MYO16: variants seen among roughly 807,000 people sequenced by gnomAD.
The protein encoded by MYO16 is myosin XVI.
MYO16 carries 94 observed loss-of-function variants against 205.3 expected under a neutral mutation model. The observed-to-expected ratio is 0.46, with a 90% CI of 0.39 to 0.54. The LOEUF is 0.54. MYO16 is among the 20% of genes least tolerant of loss of function. The probability of loss-of-function intolerance (pLI) is 0.00; values close to 1 mark genes in which losing one functional copy is unlikely to be tolerated. For synonymous variants in MYO16, 988 were observed against 954.0 expected, an observed-to-expected ratio of 1.04 and a Z score of -0.66; for missense variants, 2,315 against 2,387.5, an observed-to-expected ratio of 0.97 and a Z score of 0.63.
chr13:108,718,517 C>T lies in MYO16; in HGVS notation c.363+5786C>T, dbSNP rs146452547. ...CTTGGAGGATGTGGAATGGGGGCCCCATGGAGGATGCAGCAGCAGGAAGCA... is the reference window on the plus strand; with the variant it reads ...CTTGGAGGATGTGGAATGGGGGCCCTATGGAGGATGCAGCAGCAGGAAGCA... On this transcript the variant is annotated intron_variant, in intron 3 of 34. Transcript: ENST00000457511. Among the ~76,000 whole-genome samples the T allele has an allele frequency of 3.5e-3, 533 of 151,800 alleles. 5 individuals carry two copies. The highest frequency in any genetic ancestry group is 5.7e-3 in the Non-Finnish European group (389 of 67,898).
chr13:108,956,485 T>C (rs919138427), intron 16 of MYO16, among the ~76,000 whole-genome samples: 1 of 151,748 alleles, frequency 6.6e-6, no homozygotes, highest in African/African-American at 2.4e-5. Flanking sequence ...TGCAAGGCCC[T>C]CAGAGCTGCC....
the MYO16 span, among the ~76,000 whole-genome samples, chr13:108,578,955 T>C: frequency 6.6e-6 from 1 of 150,630 alleles, no homozygotes; most frequent in African/African-American, 2.4e-5. Flanking sequence ...TTATTTTACA[T>C]ATACAGTTAT....
intron 27 of MYO16, chr13:109,065,577 T>C (rs777246857): frequency 4.2e-6 from 2 of 477,178 alleles, no homozygotes; most frequent in Admixed American, 5.0e-5. Flanking sequence ...GAAAAGTCCC[T>C]ACAGGAGATG....
intron 9 of MYO16, among the ~76,000 whole-genome samples, chr13:108,840,246 G>A (rs992652985): frequency 6.6e-6 from 1 of 152,072 alleles, no homozygotes; most frequent in Admixed American, 6.6e-5. Context: ...TCAAACTAAG[G>A]AAAACTCACC....
the MYO16 span, among the ~76,000 whole-genome samples, chr13:108,526,678 A>C: frequency 0.99 from 151,057 of 152,288 alleles, 74,935 homozygotes; most frequent in East Asian, 1. Context: ...TACATATTTT[A>C]TCCAATTTCT....
chr13:108,934,611 C>A (rs1882400726), intron 16 of MYO16, among the ~76,000 whole-genome samples: 1 of 152,008 alleles, frequency 6.6e-6, no homozygotes, highest in South Asian at 2.1e-4. Flanking sequence ...AGGTCTCTCT[C>A]ACTTGTCAAT....
intron 28 of MYO16, among the ~76,000 whole-genome samples, chr13:109,117,339 T>A (rs1169337274): frequency 6.6e-6 from 1 of 150,698 alleles, no homozygotes; most frequent in African/African-American, 2.4e-5. Flanking sequence ...TCCATATTCT[T>A]CAGGAGATGC....
intron 6 of MYO16, among the ~76,000 whole-genome samples, chr13:108,802,632 G>GT (rs1185790187): frequency 1.3e-5 from 2 of 152,058 alleles, no homozygotes; most frequent in Non-Finnish European, 2.9e-5. Context: ...TGTATTTTTA[G>GT]TTTTTTGAGG....
intron 3 of MYO16, among the ~76,000 whole-genome samples, chr13:108,717,100 G>C (rs1471106308): frequency 6.6e-6 from 1 of 151,970 alleles, no homozygotes. Context: ...TGTTTATGAA[G>C]TAAAAAACAG....
At chr13:108,985,494 C>T (rs532703905) in intron 20 of MYO16, among the ~76,000 whole-genome samples, 11 of 152,286 alleles carry the variant, frequency 7.2e-5, no homozygotes, top group South Asian at 4.1e-4. Context: ...ATGTAGCTGA[C>T]GTGTCAGCAG....
chr13:108,614,440 T>C (rs1440540761), intron 1 of MYO16, among the ~76,000 whole-genome samples: 1 of 152,044 alleles, frequency 6.6e-6, no homozygotes, highest in Admixed American at 6.6e-5. Context: ...ATTAAAACTA[T>C]AGCTGGACTT....
intron 28 of MYO16, among the ~76,000 whole-genome samples, chr13:109,109,241 G>A (rs1025331933): frequency 5.9e-5 from 9 of 152,230 alleles, no homozygotes; most frequent in South Asian, 2.1e-4. Flanking sequence ...TACTGAGCAC[G>A]TATTATATGC....
rs190277116 is a variant in MYO16, at chr13:109,053,452, G to A, written c.3048+977G>A. Among the ~76,000 whole-genome samples, 842 of 151,470 alleles carry A rather than the reference G, an allele frequency of 5.6e-3. 8 individuals carry two copies. Among genetic ancestry groups the A allele is most frequent in the African/African-American group, 0.018 (763 of 41,264 alleles). ...TGGCATTTTTTACATTAAAAAAAAA[G>A]AACCCAAGCTTATCCTTATAAGAAA... On this transcript the variant is annotated intron_variant, in intron 25 of 34. Coordinates refer to ENST00000457511, the MANE Select transcript of MYO16 (RefSeq NM_001198950.3).
intron 2 of MYO16, among the ~76,000 whole-genome samples, chr13:108,676,039 T>C (rs1458823357): frequency 6.6e-6 from 1 of 152,236 alleles, no homozygotes; most frequent in African/African-American, 2.4e-5. Context: ...TAGCTACTAT[T>C]ATGATTTGAA....
chr13:108,772,161 C>T (rs1266278940), intron 4 of MYO16, among the ~76,000 whole-genome samples: 1 of 151,904 alleles, frequency 6.6e-6, no homozygotes, highest in Non-Finnish European at 1.5e-5. Flanking sequence ...CAAGCCGGGG[C>T]AACATGGTGA....
chr13:109,144,557 A>G (rs571149001), intron 32 of MYO16, among the ~76,000 whole-genome samples: 7 of 152,312 alleles, frequency 4.6e-5, no homozygotes, highest in Admixed American at 3.3e-4. Flanking sequence ...AATGACTTTT[A>G]TGGAATTTCT....
At chr13:108,520,560 A>G in the MYO16 span, among the ~76,000 whole-genome samples, 1 of 152,240 alleles carries the variant, frequency 6.6e-6, no homozygotes, top group Non-Finnish European at 1.5e-5. Context: ...AATATGGCAC[A>G]TTAAACAAAA....
rs9559428 is a variant in MYO16, at chr13:108,866,230, T to C, written c.1413T>C (p.Ile471=). The change falls in exon 12 of 35, where the codon ATT becomes ATC. Residue 471 remains isoleucine (I), a synonymous_variant. Transcript: ENST00000457511. ...TTAACCCATACAAGGAGCTTCCAAT[T>C]TATTCTTCCATGGTGAGCACAAAAT... ...LLVNPYKELP[I]YSSMVSQLYF... 0.11 allele frequency: 177,004 copies of C among 1,593,452 alleles called. 10,948 individuals are homozygous for C. Among genetic ancestry groups the C allele is most frequent in the Non-Finnish European group, 0.12 (142,197 of 1,165,378 alleles).
At chr13:108,654,987 A>G (rs979181136) in intron 1 of MYO16, among the ~76,000 whole-genome samples, 1 of 152,214 alleles carries the variant, frequency 6.6e-6, no homozygotes, top group Non-Finnish European at 1.5e-5. Context: ...AGGGAAACAG[A>G]GCATAAGAGT....
Sources: allele counts gnomAD v4.1 joint callset (sites outside exome capture counted in the v4.1 genomes callset), GRCh38; gene constraint gnomAD v4.1.1; transcripts MANE v1.5; gene names NCBI Gene and HGNC (gene_info 2026-07-23, HGNC 2026-07-21).